The following ABCA7 variants were observed in gnomAD, a reference collection of about 807,000 sequenced individuals.
The protein encoded by ABCA7 is phospholipid-transporting ATPase ABCA7.
ABCA7 carries 261 observed loss-of-function variants against 227.6 expected under a neutral mutation model. The observed-to-expected ratio is 1.15, with a 90% CI of 1.04 to 1.27. The LOEUF (loss-of-function observed/expected upper bound fraction) is 1.27. Ranked by LOEUF, ABCA7 falls within the 50% of genes most tolerant of loss-of-function variation. The pLI is 0.00. For synonymous variants in ABCA7, 1,488 were observed against 1,279.7 expected, an observed-to-expected ratio of 1.16 and a Z score of -3.47; for missense variants, 3,331 against 2,924.5, an observed-to-expected ratio of 1.14 and a Z score of -3.21.
rs1237354978 is a variant in ABCA7 at position 1,056,865 on chromosome 19, T to C, written c.4587-42T>C. 1.9e-6 allele frequency: 3 copies of C among 1,591,766 alleles called. No individual in the cohort carries two copies. Among genetic ancestry groups the C allele is most frequent in the African/African-American group, 1.3e-5 (1 of 74,618 alleles). The stretch of plus-strand genomic sequence containing the variant: ...GTTCAGCTCTGCTCTGAGCAACCCA[T>C]GCACCCTCACCCTACAACAGCTCTC... On this transcript the variant is annotated intron_variant, in intron 33 of 46. Coordinates refer to ENST00000263094, the MANE Select transcript of ABCA7 (RefSeq NM_019112.4). This position sits in a 1 kb window ranked among gnomAD's most constrained non-coding sequence, Gnocchi z 4.3.
chr19:1,045,867 C>T (rs1599579307), intron 12 of ABCA7, among the ~76,000 whole-genome samples: 2 of 152,076 alleles, frequency 1.3e-5, no homozygotes, highest in South Asian at 4.1e-4. Context: ...ATTAGCCGGG[C>T]GTGGTAGCAC....
rs148891749 is a variant in ABCA7 at position 1,058,878 on chromosome 19, C to A, written c.5338C>A (p.Arg1780=). The A allele has an allele frequency of 6.3e-7, 1 of 1,579,550 alleles. No individual in the cohort carries two copies. The highest frequency in any genetic ancestry group is 1.2e-5 in the South Asian group (1 of 85,956). Reference sequence around the variant, plus strand: ...GGAGGACGAGGATGTAGCCCGTGAACGGGAGCGGGTGGTCCAAGGAGCCAC... The same window carrying A: ...GGAGGACGAGGATGTAGCCCGTGAAAGGGAGCGGGTGGTCCAAGGAGCCAC... ...GEEDEDVARE[R]ERVVQGATQG... Residue 1780 remains arginine, a synonymous_variant, in exon 39 of 47, where the codon CGG becomes AGG. Transcript: ENST00000263094.
In ABCA7 at chr19:1,063,587, C is replaced by G. The variant is rs756236853; in HGVS notation, c.5756C>G (p.Ala1919Gly). The G allele has an allele frequency of 1.9e-6, 3 of 1,611,228 alleles. No homozygotes were observed. The highest frequency in any genetic ancestry group is 2.5e-6 in the Non-Finnish European group (3 of 1,179,928). The change falls in exon 43 of 47, where the codon GCA becomes GGA. Residue 1919 changes from alanine (A) to glycine (G), a missense_variant. By Grantham distance (60) the Ala-to-Gly change is moderately conservative. Coordinates refer to ENST00000263094, the MANE Select transcript of ABCA7 (RefSeq NM_019112.4). ...GLARLGLSWY[A>G]DRPAGTYSGG... ...GCGCGTCTGGGACTCTCATGGTACG[C>G]AGACCGGCCTGCAGGCACCTACAGC... is the stretch of plus-strand genomic sequence containing the variant.
chr19:1,053,211 T>A, intron 23 of ABCA7, 118 bp from the exon 24 acceptor site: 1 of 1,129,950 alleles, frequency 8.8e-7, no homozygotes, highest in Non-Finnish European at 1.2e-6. Flanking sequence ...CCTACGTTCT[T>A]AACCCTGATC....
At chr19:1,064,122 C>T in intron 44 of ABCA7, 39 bp from the exon 45 acceptor site, 1 of 1,518,304 alleles carries the variant, frequency 6.6e-7, no homozygotes, top group Non-Finnish European at 8.9e-7. Flanking sequence ...GCACAGGTGG[C>T]CCCGGCCTCA....
chr19:1,057,463 C>G, intron 35 of ABCA7, 34 bp downstream of exon 35: 1 of 1,575,128 alleles, frequency 6.3e-7, no homozygotes, highest in Non-Finnish European at 8.7e-7. Flanking sequence ...CCTATTCTTA[C>G]TGACCCCTTA....
At chr19:1,063,478 A>G (rs2042821427) in intron 42 of ABCA7, 66 bp from the exon 43 acceptor site, 2 of 1,569,680 alleles carry the variant, frequency 1.3e-6, no homozygotes, top group African/African-American at 1.4e-5. Context: ...TGGCCCCGCC[A>G]CACTGTGGCC....
In ABCA7 at chr19:1,051,505, G is replaced by C. The variant is rs778682379; in HGVS notation, c.2881G>C (p.Val961Leu). ...AIAFVGGSQVVILDEPTAGVD... is the reference protein window; with the variant it reads ...AIAFVGGSQVLILDEPTAGVD... ...TGCCTTTGTGGGCGGCTCCCAAGTT[G>C]TTATCCTGGACGAGCCTACGGCTGG... Residue 961 changes from valine (V) to leucine (L), a missense_variant, in exon 21 of 47, where the codon GTT becomes CTT. Transcript: ENST00000263094. 1 of 1,612,694 alleles carries C rather than the reference G, an allele frequency of 6.2e-7. No homozygotes were observed. The highest frequency in any genetic ancestry group is 1.1e-5 in the South Asian group (1 of 91,088).
chr19:1,049,343 C>T lies in ABCA7; in HGVS notation c.2458C>T (p.Pro820Ser). Reference protein sequence around the residue: ...RSLEKRFPGSPQPALRGLSLD... With the variant: ...RSLEKRFPGSSQPALRGLSLD... ...CCTGGAGAAGCGCTTTCCTGGAAGC[C>T]CGCAGCCAGCCCTGCGGGGGCTCAG... is the stretch of plus-strand genomic sequence containing the variant. Residue 820 changes from proline (P) to serine (S), a missense_variant, in exon 18 of 47, where the codon CCG (proline) becomes TCG (serine). By Grantham distance (74) the Pro-to-Ser change is moderately conservative. Transcript: ENST00000263094. 6.2e-7 allele frequency: 1 copy of T among 1,611,618 alleles called. No individual in the cohort carries two copies. Among genetic ancestry groups the T allele is most frequent in the Non-Finnish European group, 8.5e-7 (1 of 1,179,266 alleles).
At chr19:1,053,898 C>T in intron 25 of ABCA7, 62 bp downstream of exon 25, 1 of 1,591,470 alleles carries the variant, frequency 6.3e-7, no homozygotes, top group Non-Finnish European at 8.6e-7. Flanking sequence ...GCCAGGTCCC[C>T]ATCCCTGGCT....
rs1845353432 is a variant in ABCA7 at position 1,065,047 on chromosome 19, GC to G, written c.6163del (p.Leu2055CysfsTer34). 6.4e-7 allele frequency: 1 copy of G among 1,557,824 alleles called. No homozygotes were observed. Among genetic ancestry groups the G allele is most frequent in the Non-Finnish European group, 8.7e-7 (1 of 1,152,890 alleles). ...GAGCTGCGCGAGGCACATGGAGGCC[GC>G]CTGCGCTTCCAGCTGCCGCCGGGAG... ...GAELREAHGGRLRFQLPPGGR... is the reference protein window; with the variant it reads ...GAELREAHGGXLRFQLPPGGR... On this transcript the variant is annotated frameshift_variant, in exon 46 of 47. Coordinates refer to ENST00000263094, the MANE Select transcript of ABCA7 (RefSeq NM_019112.4). LOFTEE classifies it high-confidence loss of function.
Position 1,055,344 on chromosome 19 carries a change from C to T in ABCA7, c.4198C>T (p.Arg1400Cys), listed in dbSNP as rs1052116028. Residue 1400 changes from arginine to cysteine, a missense_variant, in exon 30 of 47, where the codon CGC (arginine) becomes TGC (cysteine). Transcript: ENST00000263094. Reference protein sequence around the residue: ...FLVKTYPRLVRQGLKTKKWVN... With the variant: ...FLVKTYPRLVCQGLKTKKWVN... The stretch of plus-strand genomic sequence containing the variant: ...GGTCAAGACCTACCCGCGCCTGGTG[C>T]GCCAGGGGTGAGCCATGCCCTGGGA... 20 of 1,582,544 alleles carry T rather than the reference C, an allele frequency of 1.3e-5. No homozygotes were observed. Among genetic ancestry groups the T allele is most frequent in the African/African-American group, 5.4e-5 (4 of 74,590 alleles).
At chr19:1,050,367 G>A (rs1189683853) in intron 18 of ABCA7, among the ~76,000 whole-genome samples, 1 of 150,862 alleles carries the variant, frequency 6.6e-6, no homozygotes, top group Non-Finnish European at 1.5e-5. Flanking sequence ...AGCCGAGACT[G>A]TGCCGTTGCA....
rs955853075 is a variant in ABCA7, at chr19:1,044,755, G to A, written c.1215+11G>A. On this transcript the variant is annotated intron_variant, in intron 11 of 46. Coordinates refer to ENST00000263094, the MANE Select transcript of ABCA7 (RefSeq NM_019112.4). The stretch of plus-strand genomic sequence containing the variant: ...GGCCGAGTGACGGAGGTGAGGGCCT[G>A]TCCACCTGCGGGGTCTGTTTCAGTG... 1.3e-5 allele frequency: 21 copies of A among 1,585,338 alleles called. No homozygotes were observed. Among genetic ancestry groups the A allele is most frequent in the East Asian group, 2.3e-5 (1 of 44,062 alleles).
In ABCA7 at chr19:1,053,367, C is replaced by A; in HGVS notation, c.3259C>A (p.Pro1087Thr). 2 of 1,609,468 alleles carry A rather than the reference C, an allele frequency of 1.2e-6. No individual in the cohort carries two copies. Among genetic ancestry groups the A allele is most frequent in the Non-Finnish European group, 1.7e-6 (2 of 1,179,470 alleles). ...GCTGGCCCTGGTACAGCACTGGGTG[C>A]CCGGGGCACGGCTGGTGGAGGAGCT... ...QLLALVQHWV[P>T]GARLVEELPH... Residue 1087 changes from proline (P) to threonine (T), a missense_variant, in exon 24 of 47, where the codon CCC (proline) becomes ACC (threonine). Pro to Thr is a conservative substitution (Grantham distance 38). Transcript: ENST00000263094.
intron 11 of ABCA7, 56 bp from the exon 12 acceptor site, chr19:1,044,946 G>A: frequency 6.3e-7 from 1 of 1,584,848 alleles, no homozygotes; most frequent in Non-Finnish European, 8.6e-7. Flanking sequence ...GAGGAGCGGA[G>A]TGGTCTAGGA....
At chr19:1,063,517 C>A (rs533851215) in intron 42 of ABCA7, 27 bp from the exon 43 acceptor site, 2 of 1,607,374 alleles carry the variant, frequency 1.2e-6, no homozygotes, top group African/African-American at 2.7e-5. Context: ...TATGAGTCCC[C>A]ATGCCTACTC....
In ABCA7 at chr19:1,051,174, G is replaced by A. The variant is rs909561239; in HGVS notation, c.2704G>A (p.Val902Ile). 12 of 1,611,126 alleles carry A rather than the reference G, an allele frequency of 7.4e-6. No individual in the cohort carries two copies. Among genetic ancestry groups the A allele is most frequent in the East Asian group, 4.5e-5 (2 of 44,900 alleles). The change falls in exon 20 of 47, where the codon GTC becomes ATC. Residue 902 changes from valine to isoleucine, a missense_variant. Physicochemically the swap from Val to Ile is conservative, Grantham distance 29. Coordinates refer to ENST00000263094, the MANE Select transcript of ABCA7 (RefSeq NM_019112.4). Reference sequence around the variant, plus strand: ...CCGCAGGCTGACCGTGGACGAGCACGTCTGGTTCTATGGGCGGCTGAAGGG... The same window carrying A: ...CCGCAGGCTGACCGTGGACGAGCACATCTGGTTCTATGGGCGGCTGAAGGG... The part of the protein sequence containing the change: ...LFDMLTVDEH[V>I]WFYGRLKGLS...
At chr19:1,057,114 C>T in intron 34 of ABCA7, 30 bp downstream of exon 34, 1 of 1,598,450 alleles carries the variant, frequency 6.3e-7, no homozygotes, top group Non-Finnish European at 8.5e-7. Context: ...GGGTGGGGGC[C>T]CAGCCACTGC....
Sources: gnomAD v4.1 joint callset for allele counts (sites outside exome capture counted in the v4.1 genomes callset) on GRCh38, gnomAD v4.1.1 for gene constraint, Gnocchi (gnomAD v3.1) non-coding constraint, MANE v1.5 for transcripts, NCBI Gene and HGNC (gene_info 2026-07-23, HGNC 2026-07-21) for gene names.